METTL14: variants seen among roughly 807,000 people sequenced by gnomAD.
METTL14 encodes methyltransferase 14, N6-adenosine-methyltransferase non-catalytic subunit, also known as N(6)-adenosine-methyltransferase non-catalytic subunit METTL14.
A neutral mutation model predicts 62.4 loss-of-function variants in METTL14; 32 were observed. The observed-to-expected ratio is 0.51, with a 90% CI of 0.39 to 0.69. The LOEUF is 0.69. Among genes scored for constraint, METTL14 ranks in the 30% least tolerant of loss-of-function variants. The pLI is 0.00. For synonymous variants in METTL14, 150 were observed against 180.0 expected (o/e 0.83, Z 1.34); for missense variants, 340 against 551.9 (o/e 0.62, Z 3.85).
chr4:118,692,553 C>T (rs1057254172), intron 5 of METTL14, among the ~76,000 whole-genome samples: 1 of 152,174 alleles, frequency 6.6e-6, no homozygotes, highest in African/African-American at 2.4e-5. Flanking sequence ...CAGGCGTGAG[C>T]CACCGCTCCA....
At chr4:118,708,794 G>A (rs1724834433) in intron 10 of METTL14, among the ~76,000 whole-genome samples, 1 of 152,062 alleles carries the variant, frequency 6.6e-6, no homozygotes, top group Admixed American at 6.6e-5. Context: ...CAGATAATTG[G>A]ACCTGTCCCA....
Position 118,712,741 on chromosome 4 carries a change from G to A in METTL14, c.*2439G>A, listed in dbSNP as rs1724960715. 1.3e-5 allele frequency: 2 copies of A among 152,268 alleles called. No individual in the cohort carries two copies. Among genetic ancestry groups the A allele is most frequent in the East Asian group, 1.9e-4 (1 of 5,184 alleles). The allele number at this position is 152,268 out of a possible 1,614,324, so 9.4% of individuals were successfully genotyped here. ...AGTTTAGAAGTTAGAAGATCAGCAT[G>A]TCTGAGTTTTTACAGAATTATAATT... is the stretch of plus-strand genomic sequence containing the variant. On this transcript the variant is annotated 3_prime_UTR_variant, in exon 11 of 11. Transcript: ENST00000388822.
chr4:118,697,080 T>C, intron 6 of METTL14, 102 bp from the exon 7 acceptor site: 1 of 822,066 alleles, frequency 1.2e-6, no homozygotes, highest in Non-Finnish European at 1.9e-6. Context: ...TGTTTAGTGA[T>C]ATCTAAGACA....
Position 118,693,484 on chromosome 4 carries a change from A to G in METTL14, c.413-952A>G, listed in dbSNP as rs79139089. ...TCGCATTCTGTGGGTGACTTTCTTGATAGTATATTTTGTAGCACAAACATT... is the reference window on the plus strand; with the variant it reads ...TCGCATTCTGTGGGTGACTTTCTTGGTAGTATATTTTGTAGCACAAACATT... On this transcript the variant is annotated intron_variant, in intron 5 of 10. Transcript: ENST00000388822. Among the ~76,000 whole-genome samples, 607 of 152,030 alleles carry G rather than the reference A, an allele frequency of 4.0e-3. 2 individuals are homozygous for G. The highest frequency in any genetic ancestry group is 0.014 in the African/African-American group (579 of 41,538).
intron 6 of METTL14, among the ~76,000 whole-genome samples, chr4:118,695,534 G>GT (rs1225771327): frequency 3.3e-5 from 5 of 152,144 alleles, no homozygotes. Flanking sequence ...GGGTGACGGA[G>GT]TGAGACTCCG....
rs780323764 is a variant in METTL14 at position 118,697,205 on chromosome 4, C to G, written c.527C>G (p.Ala176Gly). ...PPMYLQADIE[A>G]FDIRELTPKF... ...AGGTACTTACAAGCCGATATAGAAGCCTTTGACATCAGAGAACTAACACCC... is the reference window on the plus strand; with the variant it reads ...AGGTACTTACAAGCCGATATAGAAGGCTTTGACATCAGAGAACTAACACCC... The change falls in exon 7 of 11, where the codon GCC becomes GGC. Residue 176 changes from alanine (A) to glycine (G), a missense_variant. Physicochemically the swap from Ala to Gly is moderately conservative, Grantham distance 60. Coordinates refer to ENST00000388822, the MANE Select transcript of METTL14 (RefSeq NM_020961.4). 1.2e-6 allele frequency: 2 copies of G among 1,609,534 alleles called. No homozygotes were observed. The highest frequency in any genetic ancestry group is 8.5e-7 in the Non-Finnish European group (1 of 1,178,340).
intron 2 of METTL14, among the ~76,000 whole-genome samples, chr4:118,688,672 G>C (rs1333886914): frequency 6.6e-6 from 1 of 152,066 alleles, no homozygotes; most frequent in African/African-American, 2.4e-5. Flanking sequence ...AAATAAACAA[G>C]TATATTTAAA....
Position 118,685,447 on chromosome 4 carries a change from T to C in METTL14, c.-88T>C, listed in dbSNP as rs1724013022. The C allele has an allele frequency of 7.5e-7, 1 of 1,339,946 alleles. No individual in the cohort carries two copies. Among genetic ancestry groups the C allele is most frequent in the South Asian group, 1.2e-5 (1 of 85,228 alleles). 83.0% of individuals were successfully genotyped at this position (1,339,946 alleles called of 1,614,324 possible). On this transcript the variant is annotated 5_prime_UTR_variant, in exon 1 of 11. Transcript: ENST00000388822. ...CTCTGTTCGTAAGCTCCCGGTGAAT[T>C]TTGTTCCACAGACTCGGAAGAAAGG...
At chr4:118,691,106 CTTTTT>C (rs33920104) in intron 3 of METTL14, among the ~76,000 whole-genome samples, 1 of 148,092 alleles carries the variant, frequency 6.8e-6, no homozygotes, top group Non-Finnish European at 1.5e-5. Flanking sequence ...ATGTTTGTGA[CTTTTT>C]TTTTTATTAA....
rs1041273332 is a variant in METTL14, at chr4:118,711,941, C to T, written c.*1639C>T. The T allele has an allele frequency of 1.9e-4, 29 of 152,258 alleles. No individual in the cohort carries two copies. The highest frequency in any genetic ancestry group is 6.5e-4 in the African/African-American group (27 of 41,538). The allele number at this position is 152,258 out of a possible 1,614,324, so 9.4% of individuals were successfully genotyped here. A position where few individuals can be genotyped will look rare whatever the true frequency, so the allele number is the denominator to read the frequency against. On this transcript the variant is annotated 3_prime_UTR_variant, in exon 11 of 11. Coordinates refer to ENST00000388822, the MANE Select transcript of METTL14 (RefSeq NM_020961.4). ...GGGCCTACCCAAGGTGACATTCCTG[C>T]TGTTTACATGGCATAGGCACCTGTG...
Position 118,693,110 on chromosome 4 carries a change from C to T in METTL14, c.412+1042C>T, listed in dbSNP as rs893167035. On this transcript the variant is annotated intron_variant, in intron 5 of 10. Coordinates refer to ENST00000388822, the MANE Select transcript of METTL14 (RefSeq NM_020961.4). ...CTGCACGATTTTACATTTTTACTAA[C>T]AACGTATGATGGTTCCAATTTCTTC... is the stretch of plus-strand genomic sequence containing the variant. Among the ~76,000 whole-genome samples, 13 of 152,276 alleles carry T rather than the reference C, an allele frequency of 8.5e-5. No homozygotes were observed. The East Asian group carries it at 2.5e-3, about 29-fold the overall frequency.
intron 1 of METTL14, among the ~76,000 whole-genome samples, chr4:118,685,866 G>T (rs887273709): frequency 6.6e-6 from 1 of 152,146 alleles, no homozygotes; most frequent in African/African-American, 2.4e-5. Flanking sequence ...CTCCCACCGA[G>T]TGTCTGGCAT....
Position 118,704,671 on chromosome 4 carries a change from C to A in METTL14, c.855+620C>A, listed in dbSNP as rs141676869. 1.8e-4 allele frequency among the ~76,000 whole-genome samples: 27 copies of A among 152,144 alleles called. No individual in the cohort carries two copies. In the East Asian group the frequency reaches 5.2e-3, roughly 29 times the overall value. ...GGGACGGTGGTCTGCTTGGAGAGGG[C>A]ACAGCAGCTCCATGCCCCATGCCCC... On this transcript the variant is annotated intron_variant, in intron 9 of 10. Transcript: ENST00000388822.
intron 3 of METTL14, 77 bp downstream of exon 3, chr4:118,689,534 A>G (rs1724180850): frequency 5.2e-6 from 4 of 772,356 alleles, no homozygotes; most frequent in Non-Finnish European, 8.3e-6. Flanking sequence ...AGGAAAACAA[A>G]TTTGATGGAA....
In METTL14 at chr4:118,697,187, TA is replaced by T; in HGVS notation, c.510del (p.Leu170PhefsTer5). The T allele has an allele frequency of 1.9e-6, 3 of 1,591,766 alleles. No homozygotes were observed. The highest frequency in any genetic ancestry group is 2.6e-6 in the Non-Finnish European group (3 of 1,173,934). The part of the protein sequence containing the change: ...IAKSNTPPMY[L>X]QADIEAFDIR... ...TTAATGCTTTAATCAAATAGGTACT[TA>T]CAAGCCGATATAGAAGCCTTTGACA... On this transcript the variant is annotated frameshift_variant, in exon 7 of 11. Transcript: ENST00000388822. LOFTEE classifies it high-confidence loss of function.
At chr4:118,704,436 A>G (rs1435060324) in intron 9 of METTL14, among the ~76,000 whole-genome samples, 1 of 152,192 alleles carries the variant, frequency 6.6e-6, no homozygotes, top group African/African-American at 2.4e-5. Flanking sequence ...TTCCTTTACA[A>G]GAACCCCTGA....
Position 118,715,372 on chromosome 4 carries a change from C to T in METTL14, c.*5070C>T, listed in dbSNP as rs1414364367. ...TTAAATGTCTTGTGGAATTAGCTGTCACTTTATAGTTTATGTATTGTGGTG... is the reference window on the plus strand; with the variant it reads ...TTAAATGTCTTGTGGAATTAGCTGTTACTTTATAGTTTATGTATTGTGGTG... On this transcript the variant is annotated 3_prime_UTR_variant, in exon 11 of 11. Transcript: ENST00000388822. 3 of 152,098 alleles carry T rather than the reference C, an allele frequency of 2.0e-5. No homozygotes were observed. The highest frequency in any genetic ancestry group is 4.4e-5 in the Non-Finnish European group (3 of 68,024). The allele number at this position is 152,098 out of a possible 1,614,324, so 9.4% of individuals were successfully genotyped here.
At chr4:118,688,734 C>T (rs1408168814) in intron 2 of METTL14, among the ~76,000 whole-genome samples, 8 of 152,064 alleles carry the variant, frequency 5.3e-5, no homozygotes, top group East Asian at 1.9e-4. Context: ...AGTGCAGTGG[C>T]GCAATCTCGG....
In METTL14 at chr4:118,685,444, A is replaced by G. The variant is rs915859967; in HGVS notation, c.-91A>G. ...ATACTCTGTTCGTAAGCTCCCGGTG[A>G]ATTTTGTTCCACAGACTCGGAAGAA... is the stretch of plus-strand genomic sequence containing the variant. On this transcript the variant is annotated 5_prime_UTR_variant, in exon 1 of 11. Coordinates refer to ENST00000388822, the MANE Select transcript of METTL14 (RefSeq NM_020961.4). The G allele has an allele frequency of 6.2e-6, 8 of 1,297,490 alleles. No individual in the cohort carries two copies. The highest frequency in any genetic ancestry group is 5.1e-5 in the Admixed American group (3 of 58,898). 80.4% of individuals were successfully genotyped at this position (1,297,490 alleles called of 1,614,324 possible).
Sources: gnomAD v4.1 joint callset for allele counts (sites outside exome capture counted in the v4.1 genomes callset) on GRCh38, gnomAD v4.1.1 for gene constraint, MANE v1.5 for transcripts, NCBI Gene and HGNC (gene_info 2026-07-23, HGNC 2026-07-21) for gene names.